SHISA9: variants seen among roughly 807,000 people sequenced by gnomAD.
SHISA9 encodes the protein shisa family member 9.
In SHISA9, 13 loss-of-function variants were observed where a neutral mutation model predicts 38.0. The observed-to-expected ratio is 0.34, with a 90% CI of 0.22 to 0.54. SHISA9 has a LOEUF of 0.54. SHISA9 is among the 20% of genes least tolerant of loss of function. The pLI, the probability that SHISA9 is intolerant of heterozygous loss-of-function variation, is 0.91. For synonymous variants in SHISA9, 275 were observed against 242.0 expected, an observed-to-expected ratio of 1.14 and a Z score of -1.27; for missense variants, 538 against 575.8, an observed-to-expected ratio of 0.93 and a Z score of 0.67.
At chr16:13,340,213 ATGGGAGGATAAGCCATC>A in the SHISA9 span, among the ~76,000 whole-genome samples, 1 of 152,208 alleles carries the variant, frequency 6.6e-6, no homozygotes, top group Non-Finnish European at 1.5e-5. Context: ...AGGAGGAAGT[ATGGGAGGATAAGCCATC>A]TGCCTACATA....
the SHISA9 span, among the ~76,000 whole-genome samples, chr16:13,266,034 G>A: frequency 6.6e-6 from 1 of 151,556 alleles, no homozygotes; most frequent in African/African-American, 2.4e-5. Context: ...GATATAAAGT[G>A]GATGCATATC....
chr16:13,056,962 G>T (rs1305465000), intron 2 of SHISA9, among the ~76,000 whole-genome samples: 3 of 152,232 alleles, frequency 2.0e-5, no homozygotes, highest in African/African-American at 7.2e-5. Context: ...GGTTTGGATT[G>T]AACACAGGCT....
chr16:12,935,161 A>C (rs1231211117), intron 2 of SHISA9, among the ~76,000 whole-genome samples: 1 of 152,218 alleles, frequency 6.6e-6, no homozygotes, highest in East Asian at 1.9e-4. Flanking sequence ...CATAGTGAGG[A>C]ATAGGAAAGT....
At chr16:12,940,672 G>T (rs752437246) in intron 2 of SHISA9, among the ~76,000 whole-genome samples, 1 of 152,198 alleles carries the variant, frequency 6.6e-6, no homozygotes, top group Non-Finnish European at 1.5e-5. Flanking sequence ...GCCTTGCTGA[G>T]AGATGCTTTG....
At chr16:13,411,733 A>C in the SHISA9 span, among the ~76,000 whole-genome samples, 1 of 152,264 alleles carries the variant, frequency 6.6e-6, no homozygotes, top group Non-Finnish European at 1.5e-5. Flanking sequence ...TGTAAGTTAC[A>C]CAAGACACTT....
the SHISA9 span, among the ~76,000 whole-genome samples, chr16:13,362,242 A>G: frequency 2.0e-5 from 3 of 150,330 alleles, no homozygotes; most frequent in African/African-American, 7.3e-5. Context: ...AAAACCAAAC[A>G]ACAACAACAG....
chr16:13,478,203 C>T, the SHISA9 span, among the ~76,000 whole-genome samples: 9 of 152,128 alleles, frequency 5.9e-5, no homozygotes, highest in African/African-American at 1.9e-4. Flanking sequence ...TTTCAAAACA[C>T]ATAAAAGAGA....
At chr16:13,067,126 A>G (rs1370699825) in intron 2 of SHISA9, among the ~76,000 whole-genome samples, 2 of 152,184 alleles carry the variant, frequency 1.3e-5, no homozygotes, top group Admixed American at 1.3e-4. Flanking sequence ...TTAAACTTTG[A>G]AGTGGATAAC....
chr16:12,997,947 A>C (rs1333959658), intron 2 of SHISA9, among the ~76,000 whole-genome samples: 1 of 152,196 alleles, frequency 6.6e-6, no homozygotes, highest in Non-Finnish European at 1.5e-5. Context: ...ACACCATGTT[A>C]TACACGGCGT....
chr16:13,437,016 C>G, the SHISA9 span, among the ~76,000 whole-genome samples: 1 of 152,152 alleles, frequency 6.6e-6, no homozygotes, highest in African/African-American at 2.4e-5. Flanking sequence ...ATGAGACTTA[C>G]TCATTTTCAT....
the SHISA9 span, among the ~76,000 whole-genome samples, chr16:13,293,527 G>C: frequency 6.6e-6 from 1 of 152,186 alleles, no homozygotes; most frequent in African/African-American, 2.4e-5. Flanking sequence ...AATGGAGGAA[G>C]TAGTAGAACC....
At chr16:13,538,421 C>T in the SHISA9 span, among the ~76,000 whole-genome samples, 5 of 152,166 alleles carry the variant, frequency 3.3e-5, no homozygotes, top group African/African-American at 1.2e-4. Context: ...TAGACAATCT[C>T]TTCAAAGCCA....
chr16:13,287,464 A>G, the SHISA9 span, among the ~76,000 whole-genome samples: 1 of 152,250 alleles, frequency 6.6e-6, no homozygotes, highest in Non-Finnish European at 1.5e-5. Context: ...GGAGTTAATC[A>G]GGTAAAGATC....
the SHISA9 span, among the ~76,000 whole-genome samples, chr16:13,529,715 AAAC>A: frequency 6.6e-6 from 1 of 152,174 alleles, no homozygotes; most frequent in Admixed American, 6.6e-5. Context: ...TAAACAGAAA[AAAC>A]AACACCAACC....
the SHISA9 span, among the ~76,000 whole-genome samples, chr16:13,387,073 C>T: frequency 6.6e-6 from 1 of 152,158 alleles, no homozygotes; most frequent in South Asian, 2.1e-4. Flanking sequence ...CTTCTTGCCA[C>T]TTAAAATAAA....
intron 2 of SHISA9, among the ~76,000 whole-genome samples, chr16:13,165,054 C>G (rs1305650549): frequency 2.0e-5 from 3 of 151,968 alleles, no homozygotes; most frequent in Non-Finnish European, 4.4e-5. Flanking sequence ...TAAGGTATGC[C>G]TTGGTATAGT....
the SHISA9 span, among the ~76,000 whole-genome samples, chr16:13,316,328 C>T: frequency 6.6e-6 from 1 of 152,142 alleles, no homozygotes; most frequent in Non-Finnish European, 1.5e-5. Flanking sequence ...TTATTTCCTT[C>T]TGTCTAGGGG....
At chr16:13,471,763 G>C in the SHISA9 span, among the ~76,000 whole-genome samples, 1 of 152,150 alleles carries the variant, frequency 6.6e-6, no homozygotes, top group Non-Finnish European at 1.5e-5. Context: ...AGCCCACCGT[G>C]AGTAACACAG....
chr16:13,502,510 G>A, the SHISA9 span, among the ~76,000 whole-genome samples: 1 of 152,164 alleles, frequency 6.6e-6, no homozygotes, highest in African/African-American at 2.4e-5. Flanking sequence ...TCTGGGCACA[G>A]TACTAGATAC....
Sources: allele counts gnomAD v4.1 joint callset (sites outside exome capture counted in the v4.1 genomes callset), GRCh38; gene constraint gnomAD v4.1.1; transcripts MANE v1.5; gene names NCBI Gene and HGNC (gene_info 2026-07-23, HGNC 2026-07-21).